The following TRAPPC10 variants were observed in gnomAD, a reference collection of about 807,000 sequenced individuals.
TRAPPC10 encodes trafficking protein particle complex subunit 10, also known as TRAPP 130 kDa subunit.
Under a neutral mutation model 125.5 loss-of-function variants are expected in TRAPPC10, and 23 were observed. The ratio of observed to expected loss-of-function variants is 0.18; its 90% CI spans 0.13 to 0.26. The LOEUF is 0.26. Among genes scored for constraint, TRAPPC10 ranks in the 10% least tolerant of loss-of-function variants. TRAPPC10 has a pLI of 1.00. For synonymous variants in TRAPPC10, 509 were observed against 518.0 expected, an observed-to-expected ratio of 0.98 and a Z score of 0.24; for missense variants, 1,123 against 1,308.4, an observed-to-expected ratio of 0.86 and a Z score of 2.19.
intron 14 of TRAPPC10, among the ~76,000 whole-genome samples, chr21:44,083,885 A>G (rs1452446707): frequency 6.6e-6 from 1 of 152,236 alleles, no homozygotes; most frequent in African/African-American, 2.4e-5. Flanking sequence ...TAAGTTGAAA[A>G]TACCTTATTA....
At chr21:44,050,062 A>C (rs1401290855) in intron 3 of TRAPPC10, among the ~76,000 whole-genome samples, 17 of 151,946 alleles carry the variant, frequency 1.1e-4, no homozygotes, top group Non-Finnish European at 2.5e-4. Context: ...TATTTTTAGT[A>C]GAGATGGGAT....
At chr21:44,055,666 C>CT in intron 4 of TRAPPC10, 32 bp from the exon 5 acceptor site, 1 of 1,548,446 alleles carries the variant, frequency 6.5e-7, no homozygotes, top group Non-Finnish European at 8.8e-7. Context: ...CATGGAGGGT[C>CT]TTTCCCAGAT....
Position 44,059,033 on chromosome 21 carries a change from C to A in TRAPPC10, c.679-70C>A. ...CGTGCCTTTCTCTGTCGTTTAATGGCTACATACTGTTTCTTCTATACATTG... is the reference window on the plus strand; with the variant it reads ...CGTGCCTTTCTCTGTCGTTTAATGGATACATACTGTTTCTTCTATACATTG... On this transcript the variant is annotated intron_variant, in intron 5 of 22. Coordinates refer to ENST00000291574, the MANE Select transcript of TRAPPC10 (RefSeq NM_003274.5). The surrounding 1 kb of genome is among the most constrained non-coding windows in gnomAD (Gnocchi z 4.4). The A allele has an allele frequency of 8.7e-7, 1 of 1,146,710 alleles. No individual in the cohort carries two copies. Among genetic ancestry groups the A allele is most frequent in the Non-Finnish European group, 1.2e-6 (1 of 824,350 alleles). 71.0% of individuals were successfully genotyped at this position (1,146,710 alleles called of 1,614,324 possible).
At chr21:44,083,926 A>C (rs1275706452) in intron 14 of TRAPPC10, among the ~76,000 whole-genome samples, 196 bp from the exon 15 acceptor site, 1 of 152,242 alleles carries the variant, frequency 6.6e-6, no homozygotes, top group Non-Finnish European at 1.5e-5. Flanking sequence ...TTACTCAGAA[A>C]ATCACGAATT....
At chr21:44,023,059 G>A (rs1322122832) in intron 1 of TRAPPC10, among the ~76,000 whole-genome samples, 1 of 116,858 alleles carries the variant, frequency 8.6e-6, no homozygotes, top group Non-Finnish European at 1.6e-5. Context: ...TTGAGACAGA[G>A]TCTTGCTCTG....
At position 44,059,023 on chromosome 21, in the gene TRAPPC10, C is replaced by CGTAAT. The variant is rs3834677; in HGVS notation, c.679-78_679-77insAATGT. The CGTAAT allele has an allele frequency of 0.24, 269,818 of 1,102,798 alleles. 42,417 individuals are homozygous for CGTAAT. Among genetic ancestry groups the CGTAAT allele is most frequent in the African/African-American group, 0.69 (43,569 of 62,816 alleles). The allele number at this position is 1,102,798 out of a possible 1,614,324, so 68.3% of individuals were successfully genotyped here. On this transcript the variant is annotated intron_variant, in intron 5 of 22. Coordinates refer to ENST00000291574, the MANE Select transcript of TRAPPC10 (RefSeq NM_003274.5). This position sits in a 1 kb window ranked among gnomAD's most constrained non-coding sequence, Gnocchi z 4.4. ...CATAGTGCTGCGTGCCTTTCTCTGT[C>CGTAAT]GTTTAATGGCTACATACTGTTTCTT... is the stretch of plus-strand genomic sequence containing the variant.
Position 44,079,600 on chromosome 21 carries a change from T to G in TRAPPC10, c.1506T>G (p.Leu502=), listed in dbSNP as rs1256948076. 1 of 1,606,554 alleles carries G rather than the reference T, an allele frequency of 6.2e-7. No individual in the cohort carries two copies. The change falls in exon 12 of 23, where the codon CTT becomes CTG. Residue 502 remains leucine (L), a synonymous_variant. Transcript: ENST00000291574. ...CTCCACAAAAGGCAGAAATCTATCT[T>G]CAAGGAGCACTGAAAAACTACCTGG... ...KKAPQKAEIY[L]QGALKNYLAE...
rs1294018897 is a variant in TRAPPC10 at position 44,052,396 on chromosome 21, A to G, written c.402A>G (p.Lys134=). Residue 134 remains lysine, a synonymous_variant, in exon 4 of 23, where the codon AAA becomes AAG. Coordinates refer to ENST00000291574, the MANE Select transcript of TRAPPC10 (RefSeq NM_003274.5). Reference sequence around the variant, plus strand: ...TGATAGTTGAAAATGATGCCAAGAAAAAAAACAAAACCAACATCCTTCCCC... The same window carrying G: ...TGATAGTTGAAAATGATGCCAAGAAGAAAAACAAAACCAACATCCTTCCCC... ...LIVIVENDAK[K]KNKTNILPRT... is the part of the protein sequence containing the mutation. The G allele has an allele frequency of 6.2e-7, 1 of 1,614,116 alleles. No homozygotes were observed. The highest frequency in any genetic ancestry group is 8.5e-7 in the Non-Finnish European group (1 of 1,180,032).
Position 44,095,706 on chromosome 21 carries a change from G to A in TRAPPC10, c.3168+1473G>A, listed in dbSNP as rs139597236. Among the ~76,000 whole-genome samples the A allele has an allele frequency of 3.0e-3, 459 of 151,566 alleles. 5 individuals are homozygous for A. Among genetic ancestry groups the A allele is most frequent in the African/African-American group, 0.01 (424 of 41,252 alleles). On this transcript the variant is annotated intron_variant, in intron 20 of 22. Transcript: ENST00000291574. Reference sequence around the variant, plus strand: ...AGTCTCCGGAGTAGCTGGGATAACAGGCATGTGCTGTGCCACCACGCCTGG... The same window carrying A: ...AGTCTCCGGAGTAGCTGGGATAACAAGCATGTGCTGTGCCACCACGCCTGG...
intron 3 of TRAPPC10, among the ~76,000 whole-genome samples, chr21:44,040,469 A>G (rs2034333160): frequency 1.3e-5 from 2 of 151,786 alleles, no homozygotes; most frequent in African/African-American, 4.8e-5. Flanking sequence ...CAGCCTCTTG[A>G]TTGAGTTGAG....
chr21:44,087,914 A>G lies in TRAPPC10; in HGVS notation c.2755A>G (p.Thr919Ala), dbSNP rs1226749547. 2 of 1,613,272 alleles carry G rather than the reference A, an allele frequency of 1.2e-6. No homozygotes were observed. The highest frequency in any genetic ancestry group is 1.7e-5 in the Admixed American group (1 of 59,942). ...ACAGAGAACTGGCCGCTGCATGGTT[A>G]CCACAGACCACAAAGTGAGTAGGGA... ...DKQRTGRCMVTTDHKVSIDCP... is the reference protein window; with the variant it reads ...DKQRTGRCMVATDHKVSIDCP... Residue 919 changes from threonine to alanine, a missense_variant, in exon 17 of 23, where the codon ACC (threonine) becomes GCC (alanine). Around this residue, in one of 4 missense-constraint regions of TRAPPC10, gnomAD observed 840 missense variants for 902.0 expected, o/e 0.93. Transcript: ENST00000291574. The surrounding 1 kb of genome is among the most constrained non-coding windows in gnomAD (Gnocchi z 4.6).
chr21:44,043,209 CTTTTTTTTTTTTTTTT>C lies in TRAPPC10; in HGVS notation c.285+5289_285+5304del, dbSNP rs34708259. ...CAGAATCAGACTTTTAATTATTACG[CTTTTTTTTTTTTTTTT>C]TTTTTTGGGATGGAGTCTTACCCTG... On this transcript the variant is annotated intron_variant, in intron 3 of 22. Coordinates refer to ENST00000291574, the MANE Select transcript of TRAPPC10 (RefSeq NM_003274.5). Among the ~76,000 whole-genome samples the C allele has an allele frequency of 1.1e-4, 10 of 94,346 alleles. No homozygotes were observed. In the South Asian group the frequency reaches 3.5e-3, roughly 33 times the overall value. The allele number at this position is 94,346 out of a possible 152,430, so 61.9% of individuals were successfully genotyped here. A position where few individuals can be genotyped will look rare whatever the true frequency, so the allele number is the denominator to read the frequency against.
At chr21:44,044,660 CTTTTTTTT>C (rs34356064) in intron 3 of TRAPPC10, among the ~76,000 whole-genome samples, 5 of 86,334 alleles carry the variant, frequency 5.8e-5, no homozygotes, top group Admixed American at 5.1e-4. Flanking sequence ...AAAATCATGT[CTTTTTTTT>C]TTTTTTTTTT....
At chr21:44,080,378 T>C (rs778012636) in intron 13 of TRAPPC10, among the ~76,000 whole-genome samples, 5 of 152,306 alleles carry the variant, frequency 3.3e-5, no homozygotes, top group Non-Finnish European at 5.9e-5. Flanking sequence ...GGTTCTAATA[T>C]CATCTGCTAA....
intron 3 of TRAPPC10, among the ~76,000 whole-genome samples, chr21:44,048,333 C>T (rs2034996207): frequency 1.3e-5 from 2 of 152,172 alleles, no homozygotes. Context: ...CCCCTGCCCT[C>T]CCCACCCTCT....
chr21:44,062,480 T>TG (rs2036130872), intron 6 of TRAPPC10: 1 of 935,090 alleles, frequency 1.1e-6, no homozygotes, highest in African/African-American at 1.8e-5. Context: ...GGCCTCCCTG[T>TG]GGGGGCGGCA....
rs960954367 is a variant in TRAPPC10 at position 44,059,039 on chromosome 21, A to G, written c.679-64A>G. 37 of 1,301,362 alleles carry G rather than the reference A, an allele frequency of 2.8e-5. No homozygotes were observed. The highest frequency in any genetic ancestry group is 3.9e-5 in the Non-Finnish European group (37 of 938,370). 80.6% of individuals were successfully genotyped at this position (1,301,362 alleles called of 1,614,324 possible). A position where few individuals can be genotyped will look rare whatever the true frequency, so the allele number is the denominator to read the frequency against. On this transcript the variant is annotated intron_variant, in intron 5 of 22. Coordinates refer to ENST00000291574, the MANE Select transcript of TRAPPC10 (RefSeq NM_003274.5). The surrounding 1 kb of genome is among the most constrained non-coding windows in gnomAD (Gnocchi z 4.4). ...TTTCTCTGTCGTTTAATGGCTACAT[A>G]CTGTTTCTTCTATACATTGATTTAT...
At chr21:44,090,127 A>G (rs570589265) in intron 18 of TRAPPC10, among the ~76,000 whole-genome samples, 194 bp downstream of exon 18, 6 of 152,234 alleles carry the variant, frequency 3.9e-5, no homozygotes, top group South Asian at 2.1e-4. Context: ...GGTTTTCCCA[A>G]CTGTCTGAAA....
intron 3 of TRAPPC10, among the ~76,000 whole-genome samples, chr21:44,042,226 G>A (rs549379303): frequency 1.3e-4 from 19 of 150,780 alleles, no homozygotes; most frequent in Non-Finnish European, 2.2e-4. Flanking sequence ...TTTAGTTTTC[G>A]GGCGTTTGAA....
Sources: allele counts gnomAD v4.1 joint callset (sites outside exome capture counted in the v4.1 genomes callset), GRCh38; gene constraint gnomAD v4.1.1; regional missense constraint gnomAD v4.1.1; non-coding constraint Gnocchi (gnomAD v3.1); transcripts MANE v1.5; gene names NCBI Gene and HGNC (gene_info 2026-07-23, HGNC 2026-07-21).